CRLF2: variants seen among roughly 807,000 people sequenced by gnomAD.
CRLF2 encodes cytokine receptor-like factor 2.
Under a neutral mutation model 38.7 loss-of-function variants are expected in CRLF2, and 41 were observed. The observed-to-expected ratio is 1.06, with a 90% CI of 0.83 to 1.37. The LOEUF is 1.37. CRLF2 is among the 40% of genes most tolerant of loss of function. The probability of loss-of-function intolerance (pLI) is 0.00; values close to 1 mark genes in which losing one functional copy is unlikely to be tolerated. For missense variants in CRLF2, 377 were observed against 322.2 expected, an observed-to-expected ratio of 1.17 and a Z score of -1.30; for synonymous variants, 140 against 128.8, an observed-to-expected ratio of 1.09 and a Z score of -0.59.
At chrX:1,212,432 A>AAG (rs2086820782) in intron 1 of CRLF2, 124 bp downstream of exon 1, 2 of 647,044 alleles carry the variant, frequency 3.1e-6, no homozygotes, top group Middle Eastern at 8.9e-4. Context: ...AAAAAAAAAA[A>AAG]AAAAAAGAAA....
chrX:1,198,951 C>G, intron 4 of CRLF2: 1 of 574,960 alleles, frequency 1.7e-6, no homozygotes, highest in Non-Finnish European at 3.1e-6. Context: ...AAGTTCGAGA[C>G]CAGCCTGGCC....
chrX:1,197,810 T>G (rs1383295647), intron 5 of CRLF2, among the ~76,000 whole-genome samples: 3 of 148,462 alleles, frequency 2.0e-5, no homozygotes, highest in Non-Finnish European at 4.5e-5. Flanking sequence ...TGAGACTCCC[T>G]CTAAAAAAAA....
chrX:1,210,126 GAAAAGAA>G (rs1273508564), intron 1 of CRLF2, among the ~76,000 whole-genome samples: 1 of 67,894 alleles, frequency 1.5e-5, no homozygotes, highest in African/African-American at 6.0e-5. Flanking sequence ...GAAAAGAAAA[GAAAAGAA>G]AAGAAAAGAA....
rs1235304439 is a variant in CRLF2 at position 1,210,114 on chromosome X, AAGAAAAG to A, written c.80-1213_80-1207del. On this transcript the variant is annotated intron_variant, in intron 1 of 7. Transcript: ENST00000400841. ...GCAAGACTCCCTATCAAAAAAAAAA[AAGAAAAG>A]AAAAGAAAAGAAAAGAAAAGAAAAG... Among the ~76,000 whole-genome samples, 10 of 86,740 alleles carry A rather than the reference AAGAAAAG, an allele frequency of 1.2e-4. No individual in the cohort carries two copies. In the South Asian group the frequency reaches 1.5e-3, roughly 13 times the overall value. 56.9% of individuals were successfully genotyped at this position (86,740 alleles called of 152,430 possible).
Position 1,208,926 on chromosome X carries a change from C to G in CRLF2, c.80-18G>C, listed in dbSNP as rs754388619. The G allele has an allele frequency of 1.5e-6, 2 of 1,372,308 alleles. No individual in the cohort carries two copies. Among genetic ancestry groups the G allele is most frequent in the South Asian group, 2.4e-5 (2 of 83,704 alleles). 85.0% of individuals were successfully genotyped at this position (1,372,308 alleles called of 1,614,324 possible). On this transcript the variant is annotated intron_variant, in intron 1 of 7. Coordinates refer to ENST00000400841, the MANE Select transcript of CRLF2 (RefSeq NM_022148.4). ...TCCTTCTGCTAGACACAGAGAGACG[C>G]ATGAAGTTCACGGTGAGGCAACTCT...
intron 2 of CRLF2, 29 bp downstream of exon 2, chrX:1,208,777 G>A (rs775506112): frequency 7.5e-6 from 10 of 1,324,676 alleles, no homozygotes; most frequent in South Asian, 2.3e-5. Flanking sequence ...CCCCCTGGGC[G>A]TGGGGTTCGC....
chrX:1,212,540 G>A lies in CRLF2; in HGVS notation c.79+16C>T. ...CAAACCAAAATACAACAAGAAGAGG[G>A]TGTTTAAATAATTACCTGCTCCTCC... On this transcript the variant is annotated intron_variant, in intron 1 of 7. Transcript: ENST00000400841. 6.3e-7 allele frequency: 1 copy of A among 1,593,804 alleles called. No individual in the cohort carries two copies. The highest frequency in any genetic ancestry group is 1.7e-5 in the Admixed American group (1 of 59,708).
intron 5 of CRLF2, 33 bp downstream of exon 5, chrX:1,198,529 G>C (rs1296230621): frequency 6.2e-7 from 1 of 1,612,308 alleles, no homozygotes; most frequent in East Asian, 2.2e-5. Flanking sequence ...CTGGTGACAA[G>C]GCTATGGGAC....
At position 1,202,402 on chromosome X, in the gene CRLF2, C is replaced by G. The variant is rs2086623418; in HGVS notation, c.483G>C (p.Gln161His). The change falls in exon 4 of 8, where the codon CAG (glutamine) becomes CAC (histidine). Residue 161 changes from glutamine to histidine, a missense_variant and splice_region_variant. Transcript: ENST00000400841. ...CCTGAGTCGCGGCCGCCCGGCTCAC[C>G]TGCCACTCGGTGTCGAAGGGGCTCC... ...QYRSPFDTEW[Q>H]SKQENTCNVT... is the part of the protein sequence containing the mutation. The G allele has an allele frequency of 6.2e-7, 1 of 1,613,460 alleles. No individual in the cohort carries two copies. Among genetic ancestry groups the G allele is most frequent in the Admixed American group, 1.7e-5 (1 of 59,962 alleles).
At chrX:1,209,266 G>A (rs187554044) in intron 1 of CRLF2, among the ~76,000 whole-genome samples, 24,594 of 146,116 alleles carry the variant, frequency 0.17, 2,306 homozygotes, top group African/African-American at 0.25. Flanking sequence ...CGCGCCTGAC[G>A]TATTGTATTG....
chrX:1,195,227 A>G (rs1188144290), intron 6 of CRLF2, among the ~76,000 whole-genome samples: 1 of 152,046 alleles, frequency 6.6e-6, no homozygotes, highest in Non-Finnish European at 1.5e-5. Flanking sequence ...TCAATAAATA[A>G]GAAAATGACT....
intron 5 of CRLF2, among the ~76,000 whole-genome samples, chrX:1,197,624 G>T (rs1205918921): frequency 2.0e-5 from 3 of 151,614 alleles, no homozygotes; most frequent in Admixed American, 6.6e-5. Context: ...GACCAGCCTG[G>T]CCAATATGGG....
chrX:1,200,407 G>GT (rs201020251), intron 4 of CRLF2, among the ~76,000 whole-genome samples: 72,517 of 144,736 alleles, frequency 0.5, 19,326 homozygotes, highest in East Asian at 0.69. Flanking sequence ...GTGTATATGT[G>GT]TATATAAGCT....
In CRLF2 at chrX:1,195,957, T is replaced by C. The variant is rs1194272023; in HGVS notation, c.767+823A>G. ...TAAATATATTTATATATATTTTATA[T>C]ATAAATTAAATATATATTATATATA... is the stretch of plus-strand genomic sequence containing the variant. On this transcript the variant is annotated intron_variant, in intron 6 of 7. Transcript: ENST00000400841. 2.1e-5 allele frequency among the ~76,000 whole-genome samples: 3 copies of C among 142,020 alleles called. No individual in the cohort carries two copies. The Admixed American group carries it at 2.3e-4, about 11-fold the overall frequency. The allele number at this position is 142,020 out of a possible 152,430, so 93.2% of individuals were successfully genotyped here. A position where few individuals can be genotyped will look rare whatever the true frequency, so the allele number is the denominator to read the frequency against.
chrX:1,198,664 A>T lies in CRLF2; in HGVS notation c.544T>A (p.Ser182Thr), dbSNP rs1412065157. The stretch of plus-strand genomic sequence containing the variant: ...ATAGCCTTCACCCTGACCCAGAAAG[A>T]GTAACACTTCTCGGCATCCAAGCCT... ...IEGLDAEKCY[S>T]FWVRVKAMED... is the part of the protein sequence containing the mutation. The change falls in exon 5 of 8, where the codon TCT (serine) becomes ACT (threonine). Residue 182 changes from serine (S) to threonine (T), a missense_variant. Transcript: ENST00000400841. 1 of 1,613,404 alleles carries T rather than the reference A, an allele frequency of 6.2e-7. No homozygotes were observed. Among genetic ancestry groups the T allele is most frequent in the Non-Finnish European group, 8.5e-7 (1 of 1,179,676 alleles).
rs1433128764 is a variant in CRLF2, at chrX:1,190,596, A to T, written c.*301T>A. On this transcript the variant is annotated 3_prime_UTR_variant, in exon 8 of 8. Coordinates refer to ENST00000400841, the MANE Select transcript of CRLF2 (RefSeq NM_022148.4). Reference sequence around the variant, plus strand: ...GGAAGATGGTTTTACAGCATTTTGGACGTGCTGCCTTGGGGTTTATGTGAC... The same window carrying T: ...GGAAGATGGTTTTACAGCATTTTGGTCGTGCTGCCTTGGGGTTTATGTGAC... The T allele has an allele frequency of 1.6e-3, 585 of 363,124 alleles. 5 individuals are homozygous for T. Among genetic ancestry groups the T allele is most frequent in the African/African-American group, 0.011 (544 of 48,210 alleles). 22.5% of individuals were successfully genotyped at this position (363,124 alleles called of 1,614,324 possible). A position where few individuals can be genotyped will look rare whatever the true frequency, so the allele number is the denominator to read the frequency against.
intron 4 of CRLF2, among the ~76,000 whole-genome samples, chrX:1,201,638 T>A (rs1478134175): frequency 6.9e-6 from 1 of 144,522 alleles, no homozygotes; most frequent in African/African-American, 2.7e-5. Context: ...GAGAGATAAA[T>A]AGATGATACA....
At chrX:1,203,168 G>C (rs1242245211) in intron 3 of CRLF2, among the ~76,000 whole-genome samples, 1 of 148,988 alleles carries the variant, frequency 6.7e-6, no homozygotes, top group Middle Eastern at 3.2e-3. Flanking sequence ...GATTCAGTTA[G>C]TTAGGATGAG....
intron 1 of CRLF2, among the ~76,000 whole-genome samples, chrX:1,212,079 T>A (rs1254634645): frequency 1.3e-5 from 2 of 151,714 alleles, no homozygotes; most frequent in African/African-American, 4.8e-5. Context: ...GGTGAATGTA[T>A]GAGTGGATGA....
Sources: gnomAD v4.1 joint callset for allele counts (sites outside exome capture counted in the v4.1 genomes callset) on GRCh38, gnomAD v4.1.1 for gene constraint, MANE v1.5 for transcripts, NCBI Gene and HGNC (gene_info 2026-07-23, HGNC 2026-07-21) for gene names.